The following ECM2 variants were observed in gnomAD, a reference collection of about 807,000 sequenced individuals.
The protein encoded by ECM2 is extracellular matrix protein 2, female organ and adipocyte specific.
A neutral mutation model predicts 67.5 loss-of-function variants in ECM2; 57 were observed. The observed-to-expected ratio is 0.84, with a 90% confidence interval of 0.68 to 1.05. The LOEUF is 1.05. ECM2 is among the 50% of genes least tolerant of loss of function. ECM2 has a pLI of 0.00. For synonymous variants in ECM2, 258 were observed against 294.5 expected (o/e 0.88, Z 1.27); for missense variants, 741 against 822.8 (o/e 0.90, Z 1.22).
In ECM2 at chr9:92,522,570, C is replaced by A; in HGVS notation, c.292+5G>T. 6.2e-7 allele frequency: 1 copy of A among 1,602,114 alleles called. No individual in the cohort carries two copies. The highest frequency in any genetic ancestry group is 1.1e-5 in the South Asian group (1 of 89,092). On this transcript the variant is annotated splice_donor_5th_base_variant and intron_variant, in intron 2 of 9. Transcript: ENST00000344604. ...TTCTGTCTCTCTCTCATAGTGTTCT[C>A]TTACCTGGTAACACATTATAACTTG...
At chr9:92,547,261 A>G in the ECM2 span, among the ~76,000 whole-genome samples, 1 of 152,252 alleles carries the variant, frequency 6.6e-6, no homozygotes, top group South Asian at 2.1e-4. Flanking sequence ...TTAGTCTGAC[A>G]GATTATCTAC....
rs754026851 is a variant in ECM2 at position 92,514,849 on chromosome 9, C to CCCTCCTCCT, written c.827_835dup (p.Glu276_Glu278dup). 201 of 1,611,610 alleles carry CCCTCCTCCT rather than the reference C, an allele frequency of 1.2e-4. No homozygotes were observed. Among genetic ancestry groups the CCCTCCTCCT allele is most frequent in the Non-Finnish European group, 1.6e-4 (183 of 1,178,808 alleles). ...CTCCTCATCCTCCTCACCCTCCTCA[C>CCCTCCTCCT]CCTCCTCCTCCTCATCCTCCTCCTC... On this transcript the variant is annotated inframe_insertion, in exon 4 of 10. Transcript: ENST00000344604.
chr9:92,504,241 G>T (rs1271907632), intron 7 of ECM2, among the ~76,000 whole-genome samples: 1 of 152,212 alleles, frequency 6.6e-6, no homozygotes, highest in African/African-American at 2.4e-5. Flanking sequence ...GAACCCAGGA[G>T]ATTCTGATGG....
At chr9:92,538,182 C>A (rs1212363486), upstream of ECM2, among the ~76,000 whole-genome samples, 1 of 152,104 alleles carries the variant, frequency 6.6e-6, no homozygotes, top group Admixed American at 6.5e-5. Flanking sequence ...AAAGTTAACC[C>A]AGTTGTGTAT....
At chr9:92,518,415 A>G (rs1261684347) in intron 2 of ECM2, among the ~76,000 whole-genome samples, 1 of 152,158 alleles carries the variant, frequency 6.6e-6, no homozygotes, top group Non-Finnish European at 1.5e-5. Flanking sequence ...CAGTTCCCTC[A>G]TGTGACCAGA....
At chr9:92,540,614 T>C (rs1310666057), upstream of ECM2, among the ~76,000 whole-genome samples, 1 of 144,008 alleles carries the variant, frequency 6.9e-6, no homozygotes, top group East Asian at 2.1e-4. Flanking sequence ...CTACTAAAAA[T>C]ACAAAAATTA....
chr9:92,496,996 C>T (rs768167224), intron 9 of ECM2, among the ~76,000 whole-genome samples: 2 of 151,390 alleles, frequency 1.3e-5, no homozygotes, highest in Non-Finnish European at 2.9e-5. Flanking sequence ...GAGCCTGGAC[C>T]GATCAAATAC....
chr9:92,516,132 C>T (rs942252938), intron 3 of ECM2, among the ~76,000 whole-genome samples: 3 of 151,242 alleles, frequency 2.0e-5, no homozygotes, highest in African/African-American at 7.3e-5. Context: ...GGCATGATCT[C>T]GGCTCACTGC....
rs80216324 is a variant in ECM2, at chr9:92,523,079, C to CTT, written c.-27-188_-27-187dup. On this transcript the variant is annotated intron_variant, in intron 1 of 9. Transcript: ENST00000344604. ...GAATTCTTCTATCAGAATCAAAAAA[C>CTT]TTTTTTTTTTTTTTAAATAGAGATG... Among the ~76,000 whole-genome samples the CTT allele has an allele frequency of 1.3e-4, 19 of 144,538 alleles. No homozygotes were observed. In the East Asian group the frequency reaches 1.8e-3, roughly 14 times the overall value. The allele number at this position is 144,538 out of a possible 152,430, so 94.8% of individuals were successfully genotyped here.
chr9:92,549,920 G>A, the ECM2 span, among the ~76,000 whole-genome samples: 1 of 152,162 alleles, frequency 6.6e-6, no homozygotes, highest in Non-Finnish European at 1.5e-5. Context: ...TAGAGGCTGG[G>A]TTCTGGGTCT....
At chr9:92,547,773 T>G in the ECM2 span, among the ~76,000 whole-genome samples, 1 of 152,210 alleles carries the variant, frequency 6.6e-6, no homozygotes, top group Admixed American at 6.5e-5. Context: ...ACCATGGAAT[T>G]GTATATTTTA....
At chr9:92,513,654 A>G (rs1847501675) in intron 4 of ECM2, among the ~76,000 whole-genome samples, 1 of 152,236 alleles carries the variant, frequency 6.6e-6, no homozygotes, top group African/African-American at 2.4e-5. Flanking sequence ...GGTGGCTTTC[A>G]AAAACATTAG....
At chr9:92,522,425 A>T in intron 2 of ECM2, 150 bp downstream of exon 2, 1 of 930,432 alleles carries the variant, frequency 1.1e-6, no homozygotes, top group Non-Finnish European at 1.5e-6. Context: ...TTTGTAGATT[A>T]AACCAAAAAG....
chr9:92,533,696 A>G (rs1415050305), intron 1 of ECM2, among the ~76,000 whole-genome samples: 1 of 152,092 alleles, frequency 6.6e-6, no homozygotes, highest in Non-Finnish European at 1.5e-5. Flanking sequence ...TCTTTTTCTC[A>G]GAGAATGTTG....
At chr9:92,550,243 A>G in the ECM2 span, among the ~76,000 whole-genome samples, 1 of 152,104 alleles carries the variant, frequency 6.6e-6, no homozygotes, top group Non-Finnish European at 1.5e-5. Context: ...TAAAATACAC[A>G]AAATTAGCTG....
At position 92,495,535 on chromosome 9, in the gene ECM2, T is replaced by G; in HGVS notation, c.*780A>C. The G allele has an allele frequency of 1.0e-6, 1 of 982,158 alleles. No homozygotes were observed. Among genetic ancestry groups the G allele is most frequent in the Non-Finnish European group, 1.2e-6 (1 of 826,956 alleles). 60.8% of individuals were successfully genotyped at this position (982,158 alleles called of 1,614,324 possible). On this transcript the variant is annotated 3_prime_UTR_variant, in exon 10 of 10. Transcript: ENST00000344604. ...TAATTAATTTGTATTTTAAGCAAAC[T>G]CTACTGCTTTTCAAAAAATGTCTTA...
chr9:92,549,526 A>T, the ECM2 span, among the ~76,000 whole-genome samples: 1 of 152,132 alleles, frequency 6.6e-6, no homozygotes, highest in Non-Finnish European at 1.5e-5. Flanking sequence ...ACACGCCTGT[A>T]GTCCCAGCCA....
At chr9:92,551,444 C>T in the ECM2 span, among the ~76,000 whole-genome samples, 1 of 151,880 alleles carries the variant, frequency 6.6e-6, no homozygotes, top group South Asian at 2.1e-4. Flanking sequence ...CTCAAACAAT[C>T]CTCCCACCTT....
upstream of ECM2, among the ~76,000 whole-genome samples, chr9:92,537,818 G>T (rs1298222737): frequency 1.3e-5 from 2 of 152,102 alleles, no homozygotes; most frequent in African/African-American, 4.8e-5. Flanking sequence ...AAACAGGAAG[G>T]TTATTTTTTC....
Sources: allele counts gnomAD v4.1 joint callset (sites outside exome capture counted in the v4.1 genomes callset), GRCh38; gene constraint gnomAD v4.1.1; transcripts MANE v1.5; gene names NCBI Gene and HGNC (gene_info 2026-07-23, HGNC 2026-07-21).